WDR48: variants seen among roughly 807,000 people sequenced by gnomAD.
WDR48 encodes the protein WD repeat domain 48.
WDR48 carries 22 observed loss-of-function variants against 94.0 expected under a neutral mutation model. The observed-to-expected ratio is 0.23, with a 90% CI of 0.17 to 0.33. WDR48 has a LOEUF of 0.33. Ranked by LOEUF, WDR48 falls within the 10% of genes least tolerant of loss-of-function variation. WDR48 has a pLI of 1.00. For synonymous variants in WDR48, 278 were observed against 280.5 expected (o/e 0.99, Z 0.09); for missense variants, 541 against 813.8 (o/e 0.66, Z 4.08).
chr3:39,081,027 A>G (rs2034509144), intron 11 of WDR48, among the ~76,000 whole-genome samples: 1 of 152,186 alleles, frequency 6.6e-6, no homozygotes, highest in Admixed American at 6.5e-5. Flanking sequence ...ATAATTTTAG[A>G]GCAGGAAAAT....
chr3:39,091,835 A>G, intron 17 of WDR48, 134 bp downstream of exon 17: 2 of 785,816 alleles, frequency 2.5e-6, no homozygotes, highest in South Asian at 2.2e-5. Flanking sequence ...TTATACAATT[A>G]AACCACTTAC....
intron 7 of WDR48, among the ~76,000 whole-genome samples, chr3:39,074,217 C>T (rs532002829): frequency 6.6e-6 from 1 of 152,158 alleles, no homozygotes; most frequent in African/African-American, 2.4e-5. Context: ...CAGGATTGAC[C>T]AGAAATCAAC....
chr3:39,085,189 T>G (rs984315400), intron 13 of WDR48, among the ~76,000 whole-genome samples: 1 of 151,568 alleles, frequency 6.6e-6, no homozygotes, highest in South Asian at 2.1e-4. Flanking sequence ...ATTGCACCAC[T>G]GCGCTCCAGC....
intron 14 of WDR48, 48 bp downstream of exon 14, chr3:39,085,658 C>T (rs1326700215): frequency 6.7e-7 from 1 of 1,495,088 alleles, no homozygotes. Context: ...GAGGTACTTA[C>T]TTAAAAGGTA....
chr3:39,067,424 G>A (rs547996765), intron 5 of WDR48, among the ~76,000 whole-genome samples: 1 of 152,290 alleles, frequency 6.6e-6, no homozygotes, highest in South Asian at 2.1e-4. Context: ...AGCCAGAACG[G>A]TAGAGTGCTT....
intron 16 of WDR48, 64 bp downstream of exon 16, chr3:39,089,382 CT>C: frequency 7.0e-7 from 1 of 1,435,812 alleles, no homozygotes; most frequent in Non-Finnish European, 9.6e-7. Flanking sequence ...TTAAGAACTG[CT>C]TTAGACATTA....
intron 1 of WDR48, among the ~76,000 whole-genome samples, chr3:39,062,066 G>A (rs2033303879): frequency 6.6e-6 from 1 of 152,154 alleles, no homozygotes. Flanking sequence ...TGTTCACTCT[G>A]ATGATAGTTT....
intron 2 of WDR48, 91 bp downstream of exon 2, chr3:39,063,281 T>A: frequency 4.0e-6 from 6 of 1,485,090 alleles, no homozygotes; most frequent in Non-Finnish European, 4.6e-6. Flanking sequence ...TCAGATTTAA[T>A]CTCTCTGAAT....
At chr3:39,078,783 C>T (rs1174749498) in intron 10 of WDR48, among the ~76,000 whole-genome samples, 1 of 149,728 alleles carries the variant, frequency 6.7e-6, no homozygotes, top group Non-Finnish European at 1.5e-5. Flanking sequence ...GTAATCCCAG[C>T]ACTTTGGGAG....
At chr3:39,081,065 G>A (rs1160218279) in intron 11 of WDR48, among the ~76,000 whole-genome samples, 1 of 152,150 alleles carries the variant, frequency 6.6e-6, no homozygotes, top group Non-Finnish European at 1.5e-5. Context: ...AGTTGTTAGT[G>A]TATGTAATGG....
chr3:39,077,186 A>G lies in WDR48; in HGVS notation c.945A>G (p.Ala315=). Residue 315 remains alanine, a synonymous_variant, in exon 9 of 19, where the codon GCA becomes GCG. Transcript: ENST00000302313. The part of the protein sequence containing the change: ...SADPPPAIWV[A]TTKSTVNKWT... Reference sequence around the variant, plus strand: ...ATCCTCCTCCTGCAATTTGGGTTGCAACAACTAAGTCTACAGTAAATAAAT... The same window carrying G: ...ATCCTCCTCCTGCAATTTGGGTTGCGACAACTAAGTCTACAGTAAATAAAT... 6.2e-7 allele frequency: 1 copy of G among 1,614,196 alleles called. No individual in the cohort carries two copies. The highest frequency in any genetic ancestry group is 8.5e-7 in the Non-Finnish European group (1 of 1,180,022).
chr3:39,060,336 G>A (rs2033173421), intron 1 of WDR48, among the ~76,000 whole-genome samples: 1 of 151,804 alleles, frequency 6.6e-6, no homozygotes. Flanking sequence ...GTGGCCTTTT[G>A]TAAAATATGT....
chr3:39,093,163 T>C (rs1436646810), intron 17 of WDR48, among the ~76,000 whole-genome samples: 1 of 152,234 alleles, frequency 6.6e-6, no homozygotes, highest in South Asian at 2.1e-4. Context: ...AGGTCTAGAC[T>C]CAGGCATTGT....
At chr3:39,089,004 A>C (rs897227609) in intron 15 of WDR48, among the ~76,000 whole-genome samples, 7 of 152,160 alleles carry the variant, frequency 4.6e-5, no homozygotes, top group African/African-American at 1.2e-4. Flanking sequence ...TCCAAGAAGC[A>C]GCTGTAGTGT....
intron 14 of WDR48, chr3:39,086,254 G>A (rs1420566407): frequency 6.6e-6 from 1 of 152,268 alleles, no homozygotes; most frequent in Non-Finnish European, 1.5e-5. Flanking sequence ...ATCAAAGGAA[G>A]GGGAAACAAG....
At chr3:39,055,521 A>G (rs984600236) in intron 1 of WDR48, among the ~76,000 whole-genome samples, 1 of 152,288 alleles carries the variant, frequency 6.6e-6, no homozygotes, top group East Asian at 1.9e-4. Context: ...ATCAGTGGAG[A>G]GGGGTCCAAA....
At chr3:39,059,048 C>G (rs894873740) in intron 1 of WDR48, among the ~76,000 whole-genome samples, 8 of 142,480 alleles carry the variant, frequency 5.6e-5, no homozygotes, top group Non-Finnish European at 1.2e-4. Flanking sequence ...GCACTCCAGC[C>G]TGGGCGATAC....
At chr3:39,081,454 G>A (rs186078284) in intron 11 of WDR48, among the ~76,000 whole-genome samples, 32 of 152,176 alleles carry the variant, frequency 2.1e-4, no homozygotes, top group Admixed American at 4.6e-4. Flanking sequence ...GTTTAGTTGC[G>A]GCAAGCTTCA....
At chr3:39,094,458 AC>A (rs2035239079) in intron 18 of WDR48, 189 bp from the exon 19 acceptor site, 2 of 1,533,314 alleles carry the variant, frequency 1.3e-6, no homozygotes, top group Non-Finnish European at 1.7e-6. Context: ...TGGCATAGTC[AC>A]AAAAGATGTA....
Sources: allele counts gnomAD v4.1 joint callset (sites outside exome capture counted in the v4.1 genomes callset), GRCh38; gene constraint gnomAD v4.1.1; transcripts MANE v1.5; gene names NCBI Gene and HGNC (gene_info 2026-07-23, HGNC 2026-07-21).